FMN2: variants seen among roughly 807,000 people sequenced by gnomAD.
The protein encoded by FMN2 is formin-2.
In FMN2, 51 loss-of-function variants were observed where a neutral mutation model predicts 142.3. The ratio of observed to expected loss-of-function variants is 0.36; its 90% CI spans 0.29 to 0.45. The LOEUF (loss-of-function observed/expected upper bound fraction) is 0.45. FMN2 is among the 20% of genes least tolerant of loss of function. The pLI is 1.00. For synonymous variants in FMN2, 882 were observed against 869.8 expected (o/e 1.01, Z -0.25); for missense variants, 1,936 against 2,122.8 (o/e 0.91, Z 1.73).
intron 1 of FMN2, among the ~76,000 whole-genome samples, chr1:240,101,602 A>G (rs1661417027): frequency 6.6e-6 from 1 of 151,732 alleles, no homozygotes; most frequent in South Asian, 2.1e-4. Flanking sequence ...TGGTGTGCTC[A>G]TGGCTCACTG....
At chr1:240,389,629 G>T (rs1673537573) in intron 14 of FMN2, among the ~76,000 whole-genome samples, 1 of 152,170 alleles carries the variant, frequency 6.6e-6, no homozygotes, top group Non-Finnish European at 1.5e-5. Context: ...TCCTGCAGTT[G>T]TCACTAAGTT....
At position 240,257,990 on chromosome 1, in the gene FMN2, C is replaced by T. The variant is rs1386760714; in HGVS notation, c.4111C>T (p.Leu1371=). 1 of 1,612,638 alleles carries T rather than the reference C, an allele frequency of 6.2e-7. No individual in the cohort carries two copies. Among genetic ancestry groups the T allele is most frequent in the Admixed American group, 1.7e-5 (1 of 59,782 alleles). Residue 1371 remains leucine, a synonymous_variant, in exon 7 of 18, where the codon CTA becomes TTA. Coordinates refer to ENST00000319653, the MANE Select transcript of FMN2 (RefSeq NM_020066.5). The stretch of plus-strand genomic sequence containing the variant: ...CAAAAGATCACAAGCAGTTGGAATA[C>T]TAATGTCTAGCCTTCATTTAGATAT... The part of the protein sequence containing the change: ...SNKRSQAVGI[L]MSSLHLDMKD...
intron 8 of FMN2, among the ~76,000 whole-genome samples, chr1:240,328,583 ATTTATTTATTTATTTATTTATTTG>A (rs982892270): frequency 1.8e-4 from 23 of 127,934 alleles, no homozygotes; most frequent in African/African-American, 5.4e-4. Flanking sequence ...TTATTTATTT[ATTTATTTATTTATTTATTTATTTG>A]AGACAAGAGT....
intron 6 of FMN2, among the ~76,000 whole-genome samples, chr1:240,213,599 A>T (rs1231068801): frequency 6.6e-6 from 1 of 152,176 alleles, no homozygotes; most frequent in Non-Finnish European, 1.5e-5. Flanking sequence ...TTTATGGGAA[A>T]TGTGCACTGA....
At chr1:240,327,470 C>T (rs967604695) in intron 8 of FMN2, among the ~76,000 whole-genome samples, 2 of 152,084 alleles carry the variant, frequency 1.3e-5, no homozygotes, top group Admixed American at 6.5e-5. Context: ...TAGCAGTTCT[C>T]GGCTGAGCTG....
At chr1:240,266,794 C>T (rs1184797858) in intron 7 of FMN2, among the ~76,000 whole-genome samples, 1 of 151,940 alleles carries the variant, frequency 6.6e-6, no homozygotes, top group Non-Finnish European at 1.5e-5. Context: ...AATAAAGCCA[C>T]ACATCTACAG....
rs775884385 is a variant in FMN2, at chr1:240,171,251, T to G, written c.1783-6670T>G. 8.0e-5 allele frequency: 61 copies of G among 760,648 alleles called. 1 individual carries two copies. The highest frequency in any genetic ancestry group is 1.3e-4 in the Non-Finnish European group (52 of 408,932). 47.1% of individuals were successfully genotyped at this position (760,648 alleles called of 1,614,324 possible). A position where few individuals can be genotyped will look rare whatever the true frequency, so the allele number is the denominator to read the frequency against. ...GATGAAATTAACAAAGCCTTTGAAC[T>G]GTTGCATTCTGGAAAAAGCATTCGA... On this transcript the variant is annotated intron_variant, in intron 2 of 17. Coordinates refer to ENST00000319653, the MANE Select transcript of FMN2 (RefSeq NM_020066.5).
chr1:240,447,299 C>T (rs1675857436), intron 16 of FMN2, among the ~76,000 whole-genome samples: 1 of 152,070 alleles, frequency 6.6e-6, no homozygotes, highest in African/African-American at 2.4e-5. Flanking sequence ...GAATGGACAT[C>T]CGTATTGAGG....
At chr1:240,275,211 G>T (rs1037046318) in intron 7 of FMN2, among the ~76,000 whole-genome samples, 1 of 151,758 alleles carries the variant, frequency 6.6e-6, no homozygotes, top group Non-Finnish European at 1.5e-5. Flanking sequence ...CCTACATTAG[G>T]TATTTCTCCT....
At chr1:240,389,184 A>G (rs1673521227) in intron 14 of FMN2, among the ~76,000 whole-genome samples, 1 of 152,206 alleles carries the variant, frequency 6.6e-6, no homozygotes, top group African/African-American at 2.4e-5. Flanking sequence ...AAGTTTATTA[A>G]TAGTTGATTA....
intron 14 of FMN2, among the ~76,000 whole-genome samples, chr1:240,359,387 C>T (rs1368222006): frequency 1.3e-5 from 2 of 151,854 alleles, no homozygotes; most frequent in Non-Finnish European, 2.9e-5. Flanking sequence ...TTTTAATGTG[C>T]CTCATCCTCA....
chr1:240,126,564 G>A (rs1011076961), intron 2 of FMN2, among the ~76,000 whole-genome samples: 71 of 152,030 alleles, frequency 4.7e-4, no homozygotes, highest in African/African-American at 1.7e-3. Context: ...TACAATTTTA[G>A]GGCCTAACAT....
At chr1:240,260,374 G>A (rs1350040902) in intron 7 of FMN2, among the ~76,000 whole-genome samples, 3 of 152,018 alleles carry the variant, frequency 2.0e-5, no homozygotes, top group Non-Finnish European at 4.4e-5. Context: ...CACCAGCAGT[G>A]TAGAAATGTT....
intron 3 of FMN2, among the ~76,000 whole-genome samples, chr1:240,182,506 A>G (rs926177449): frequency 1.3e-5 from 2 of 152,352 alleles, no homozygotes; most frequent in African/African-American, 2.4e-5. Flanking sequence ...GAAGATTTTC[A>G]TGTGAAAATC....
intron 16 of FMN2, among the ~76,000 whole-genome samples, chr1:240,462,567 C>T (rs944878650): frequency 2.0e-5 from 3 of 152,074 alleles, no homozygotes; most frequent in African/African-American, 2.4e-5. Flanking sequence ...AGTTGTTTAC[C>T]AGAATTTATC....
At chr1:240,380,136 A>G (rs1673177250) in intron 14 of FMN2, among the ~76,000 whole-genome samples, 1 of 152,226 alleles carries the variant, frequency 6.6e-6, no homozygotes, top group Non-Finnish European at 1.5e-5. Flanking sequence ...GACCAAATGG[A>G]AAAACATTTA....
chr1:240,275,239 AG>A (rs1366773654), intron 7 of FMN2, among the ~76,000 whole-genome samples: 1 of 150,388 alleles, frequency 6.6e-6, no homozygotes, highest in African/African-American at 2.5e-5. Context: ...TCCCTCCCCT[AG>A]CCCCCCAACC....
At chr1:240,466,098 G>A (rs1223607673) in intron 16 of FMN2, among the ~76,000 whole-genome samples, 9 of 151,960 alleles carry the variant, frequency 5.9e-5, no homozygotes, top group Non-Finnish European at 1.3e-4. Flanking sequence ...GGCCAAAATG[G>A]GAGAAACTTT....
chr1:240,268,979 C>A (rs1668903570), intron 7 of FMN2, among the ~76,000 whole-genome samples: 1 of 151,918 alleles, frequency 6.6e-6, no homozygotes, highest in African/African-American at 2.4e-5. Flanking sequence ...GCATGATTTG[C>A]AAATATTTTC....
Sources: allele counts gnomAD v4.1 joint callset (sites outside exome capture counted in the v4.1 genomes callset), GRCh38; gene constraint gnomAD v4.1.1; transcripts MANE v1.5; gene names NCBI Gene and HGNC (gene_info 2026-07-23, HGNC 2026-07-21).